The following HMGCLL1 variants were observed in gnomAD, a reference collection of about 807,000 sequenced individuals.
The protein encoded by HMGCLL1 is 3-hydroxymethyl-3-methylglutaryl-CoA lyase, cytoplasmic.
In HMGCLL1, 36 loss-of-function variants were observed where a neutral mutation model predicts 39.1. The ratio of observed to expected loss-of-function variants is 0.92; its 90% CI spans 0.71 to 1.22. The LOEUF is 1.22. Among genes scored for constraint, HMGCLL1 ranks in the 50% most tolerant of loss-of-function variants. The probability of loss-of-function intolerance (pLI) is 0.00; values close to 1 mark genes in which losing one functional copy is unlikely to be tolerated. For synonymous variants in HMGCLL1, 149 were observed against 144.0 expected, an observed-to-expected ratio of 1.03 and a Z score of -0.25; for missense variants, 451 against 416.5, an observed-to-expected ratio of 1.08 and a Z score of -0.72.
intron 7 of HMGCLL1, among the ~76,000 whole-genome samples, chr6:55,467,156 C>G (rs898162155): frequency 6.6e-6 from 1 of 152,000 alleles, no homozygotes; most frequent in Admixed American, 6.6e-5. Flanking sequence ...CAAGGCATTG[C>G]TTCTTCTAAT....
chr6:55,639,710 T>C, the HMGCLL1 span, among the ~76,000 whole-genome samples: 1 of 152,120 alleles, frequency 6.6e-6, no homozygotes, highest in Non-Finnish European at 1.5e-5. Flanking sequence ...TATTCTAGTT[T>C]TCCTTCACTA....
At chr6:55,513,610 G>A (rs778875948) in intron 5 of HMGCLL1, 25 of 161,892 alleles carry the variant, frequency 1.5e-4, no homozygotes, top group Non-Finnish European at 1.2e-4. Context: ...TTTTATATCT[G>A]CTGTATTCTA....
chr6:55,570,521 T>C (rs1771425492), intron 1 of HMGCLL1, among the ~76,000 whole-genome samples: 1 of 152,240 alleles, frequency 6.6e-6, no homozygotes, highest in South Asian at 2.1e-4. Context: ...TTTGGCCATA[T>C]AGTCTCTATC....
the HMGCLL1 span, among the ~76,000 whole-genome samples, chr6:55,598,760 G>A: frequency 6.6e-6 from 1 of 152,254 alleles, no homozygotes; most frequent in Middle Eastern, 3.4e-3. Context: ...TAATGAGTTT[G>A]CATTCATGAG....
the HMGCLL1 span, among the ~76,000 whole-genome samples, chr6:55,628,170 ATATAC>A: frequency 1.2e-4 from 9 of 74,146 alleles, 1 homozygote; most frequent in African/African-American, 4.2e-4. Flanking sequence ...TATATAGTAT[ATATAC>A]TATATATATA....
the HMGCLL1 span, among the ~76,000 whole-genome samples, chr6:55,649,701 G>A: frequency 6.6e-6 from 1 of 151,724 alleles, no homozygotes; most frequent in Admixed American, 6.6e-5. Context: ...TCCTCTTTAA[G>A]GCCAAAACCT....
At chr6:55,571,097 C>A (rs1033962129) in intron 1 of HMGCLL1, among the ~76,000 whole-genome samples, 2 of 152,198 alleles carry the variant, frequency 1.3e-5, no homozygotes, top group African/African-American at 4.8e-5. Context: ...ATGGGAGCTA[C>A]AATTCAAGTG....
the HMGCLL1 span, among the ~76,000 whole-genome samples, chr6:55,598,601 G>A: frequency 6.6e-6 from 1 of 152,190 alleles, no homozygotes; most frequent in Non-Finnish European, 1.5e-5. Flanking sequence ...TAGAAGATCA[G>A]TTCTGGCTTT....
intron 3 of HMGCLL1, among the ~76,000 whole-genome samples, chr6:55,524,946 CTAAT>C: frequency 6.7e-6 from 1 of 148,438 alleles, no homozygotes; most frequent in South Asian, 2.1e-4. Context: ...GTAATTAATA[CTAAT>C]TACTATTACT....
At chr6:55,652,584 T>C in the HMGCLL1 span, among the ~76,000 whole-genome samples, 2 of 152,256 alleles carry the variant, frequency 1.3e-5, no homozygotes, top group South Asian at 4.1e-4. Flanking sequence ...GATTCTGTGG[T>C]TCTGCAAGTG....
chr6:55,449,316 C>T (rs546756190), intron 7 of HMGCLL1, among the ~76,000 whole-genome samples: 2 of 152,304 alleles, frequency 1.3e-5, no homozygotes, highest in East Asian at 3.9e-4. Context: ...TAAAACCAGT[C>T]TTCTTAGAGA....
Position 55,435,771 on chromosome 6 carries a change from C to A in HMGCLL1, c.922-8G>T. ...TTTGTATAGATTCACACCCTGGTGA[C>A]GAAATGAAGGAATATCAGGAAGGCA... On this transcript the variant is annotated splice_polypyrimidine_tract_variant and splice_region_variant and intron_variant, in intron 8 of 8. Transcript: ENST00000274901. 6.8e-7 allele frequency: 1 copy of A among 1,478,326 alleles called. No individual in the cohort carries two copies. The highest frequency in any genetic ancestry group is 9.3e-7 in the Non-Finnish European group (1 of 1,079,310). 91.6% of individuals were successfully genotyped at this position (1,478,326 alleles called of 1,614,324 possible). A position where few individuals can be genotyped will look rare whatever the true frequency, so the allele number is the denominator to read the frequency against.
At chr6:55,627,049 GAAAAAAAAAA>G in the HMGCLL1 span, among the ~76,000 whole-genome samples, 36 of 85,810 alleles carry the variant, frequency 4.2e-4, 1 homozygote, top group Admixed American at 1.2e-3. Flanking sequence ...CACTCCACCA[GAAAAAAAAAA>G]AAAAAAAAAA....
chr6:55,651,021 G>A, the HMGCLL1 span, among the ~76,000 whole-genome samples: 1 of 152,086 alleles, frequency 6.6e-6, no homozygotes, highest in Non-Finnish European at 1.5e-5. Context: ...GAGCCTGCTT[G>A]TTGGTCTATC....
chr6:55,648,054 A>T, the HMGCLL1 span, among the ~76,000 whole-genome samples: 1 of 133,258 alleles, frequency 7.5e-6, no homozygotes, highest in East Asian at 2.1e-4. Context: ...TTTACTGAGA[A>T]TGATGGTTTC....
chr6:55,440,114 T>TGG (rs1454015686), intron 7 of HMGCLL1, among the ~76,000 whole-genome samples: 1 of 152,108 alleles, frequency 6.6e-6, no homozygotes, highest in Non-Finnish European at 1.5e-5. Flanking sequence ...TCCACTACTT[T>TGG]GGGAGAAGGA....
chr6:55,462,236 G>A (rs183161139), intron 7 of HMGCLL1, among the ~76,000 whole-genome samples: 32 of 152,160 alleles, frequency 2.1e-4, no homozygotes, highest in Admixed American at 1.0e-3. Context: ...ATTACTCCTC[G>A]TCTAAAATGC....
At chr6:55,598,420 A>G in the HMGCLL1 span, among the ~76,000 whole-genome samples, 1 of 152,156 alleles carries the variant, frequency 6.6e-6, no homozygotes, top group South Asian at 2.1e-4. Flanking sequence ...CTCAATTGCA[A>G]TTCTAGACAA....
chr6:55,595,712 A>G, the HMGCLL1 span, among the ~76,000 whole-genome samples: 1 of 152,160 alleles, frequency 6.6e-6, no homozygotes, highest in South Asian at 2.1e-4. Flanking sequence ...ATGTACTTGG[A>G]ATTGGTTGGG....
Sources: allele counts gnomAD v4.1 joint callset (sites outside exome capture counted in the v4.1 genomes callset), GRCh38; gene constraint gnomAD v4.1.1; transcripts MANE v1.5; gene names NCBI Gene and HGNC (gene_info 2026-07-23, HGNC 2026-07-21).